UNC13C: variants seen among roughly 807,000 people sequenced by gnomAD.
The protein encoded by UNC13C is unc-13 homolog C.
UNC13C carries 174 observed loss-of-function variants against 245.4 expected under a neutral mutation model. The observed-to-expected ratio is 0.71, with a 90% CI of 0.63 to 0.80. The LOEUF is 0.80. UNC13C is among the 30% of genes least tolerant of loss of function. UNC13C has a pLI of 0.00. For synonymous variants in UNC13C, 992 were observed against 895.1 expected, an observed-to-expected ratio of 1.11 and a Z score of -1.93; for missense variants, 2,829 against 2,602.9, an observed-to-expected ratio of 1.09 and a Z score of -1.89.
intron 4 of UNC13C, among the ~76,000 whole-genome samples, chr15:54,185,754 G>C (rs2033958427): frequency 6.6e-6 from 1 of 150,406 alleles, no homozygotes; most frequent in East Asian, 1.9e-4. Context: ...GGCAATGCGG[G>C]ATCTTTTTGG....
At chr15:54,600,782 C>T (rs1185930359) in intron 30 of UNC13C, among the ~76,000 whole-genome samples, 1 of 152,040 alleles carries the variant, frequency 6.6e-6, no homozygotes, top group Non-Finnish European at 1.5e-5. Context: ...ATTCATAGGA[C>T]TAATGTTAAC....
At chr15:54,506,768 AAG>A (rs1894493772) in intron 22 of UNC13C, among the ~76,000 whole-genome samples, 1 of 152,140 alleles carries the variant, frequency 6.6e-6, no homozygotes, top group Admixed American at 6.6e-5. Flanking sequence ...TTTCTATCAA[AAG>A]AGATGACATT....
chr15:53,948,848 A>T, the UNC13C span, among the ~76,000 whole-genome samples: 1 of 152,186 alleles, frequency 6.6e-6, no homozygotes, highest in Admixed American at 6.5e-5. Flanking sequence ...CCTGAGACTG[A>T]ATCAAAAGGC....
chr15:54,187,781 A>G lies in UNC13C; in HGVS notation c.3071+44097A>G, dbSNP rs149756339. On this transcript the variant is annotated intron_variant, in intron 4 of 32. Transcript: ENST00000260323. The stretch of plus-strand genomic sequence containing the variant: ...ATCTGTTCACTAAATAATAAGGCCT[A>G]CCAGGATTCACACTGTATGTTTTGT... Among the ~76,000 whole-genome samples, 9 of 152,220 alleles carry G rather than the reference A, an allele frequency of 5.9e-5. No homozygotes were observed. The East Asian group carries it at 1.7e-3, about 29-fold the overall frequency.
chr15:54,438,432 T>A (rs1178422668), intron 19 of UNC13C, among the ~76,000 whole-genome samples: 1 of 151,986 alleles, frequency 6.6e-6, no homozygotes, highest in African/African-American at 2.4e-5. Flanking sequence ...TGTTCACCAA[T>A]TGTAAGCAAG....
intron 13 of UNC13C, among the ~76,000 whole-genome samples, chr15:54,300,666 C>T (rs1945755996): frequency 6.6e-6 from 1 of 152,158 alleles, no homozygotes; most frequent in African/African-American, 2.4e-5. Flanking sequence ...CATCCCAGAC[C>T]TACTGAATCA....
At chr15:54,196,460 A>G (rs760084663) in intron 4 of UNC13C, among the ~76,000 whole-genome samples, 11 of 152,176 alleles carry the variant, frequency 7.2e-5, no homozygotes, top group Non-Finnish European at 1.3e-4. Flanking sequence ...AGAAAAAGAG[A>G]AAACATTCTC....
At chr15:54,407,725 G>A (rs1238167872) in intron 18 of UNC13C, among the ~76,000 whole-genome samples, 2 of 152,184 alleles carry the variant, frequency 1.3e-5, no homozygotes, top group East Asian at 1.9e-4. Context: ...TATAGAAGCA[G>A]ATCTTAGCAA....
chr15:54,434,185 C>G (rs952966545), intron 19 of UNC13C, among the ~76,000 whole-genome samples: 1 of 152,058 alleles, frequency 6.6e-6, no homozygotes, highest in African/African-American at 2.4e-5. Context: ...TCAATGCTAT[C>G]CCCATCAGCT....
chr15:53,865,589 G>A, the UNC13C span, among the ~76,000 whole-genome samples: 2 of 152,062 alleles, frequency 1.3e-5, no homozygotes, highest in South Asian at 2.1e-4. Flanking sequence ...TAGGTGTTGG[G>A]TGTTAGGATC....
At chr15:54,080,390 G>C (rs1171253867) in intron 2 of UNC13C, among the ~76,000 whole-genome samples, 1 of 151,974 alleles carries the variant, frequency 6.6e-6, no homozygotes, top group Admixed American at 6.6e-5. Context: ...ATTTCCGAAA[G>C]ATTGGTATCA....
rs1464784703 is a variant in UNC13C, at chr15:54,161,420, A to G, written c.3071+17736A>G. On this transcript the variant is annotated intron_variant, in intron 4 of 32. Transcript: ENST00000260323. ...GACAGTGGTACAAGTCCGCTATTTG[A>G]CAGTGGTAGGCCAATGATTTTGTCT... 5.3e-5 allele frequency among the ~76,000 whole-genome samples: 8 copies of G among 152,178 alleles called. No homozygotes were observed. The South Asian group carries it at 1.7e-3, about 32-fold the overall frequency.
intron 17 of UNC13C, among the ~76,000 whole-genome samples, chr15:54,371,357 G>A (rs2039483400): frequency 6.6e-6 from 1 of 152,104 alleles, no homozygotes; most frequent in African/African-American, 2.4e-5. Context: ...TGATGGAAAT[G>A]TATAGAATAT....
At chr15:54,063,424 G>T (rs1023620191) in intron 2 of UNC13C, among the ~76,000 whole-genome samples, 1 of 151,934 alleles carries the variant, frequency 6.6e-6, no homozygotes, top group Admixed American at 6.6e-5. Context: ...AGTACTGAAG[G>T]TATATGCCAA....
chr15:54,128,815 G>C (rs1191370442), intron 2 of UNC13C, among the ~76,000 whole-genome samples: 4 of 152,156 alleles, frequency 2.6e-5, no homozygotes, highest in Admixed American at 2.6e-4. Context: ...CCCTAGTTGG[G>C]AGGGAAATTA....
chr15:54,478,505 G>A (rs1477770267), intron 19 of UNC13C, among the ~76,000 whole-genome samples: 3 of 150,722 alleles, frequency 2.0e-5, no homozygotes, highest in Non-Finnish European at 4.4e-5. Flanking sequence ...ATTCTGGTAT[G>A]TTGTGTCTTT....
At chr15:54,122,269 C>A (rs914142420) in intron 2 of UNC13C, among the ~76,000 whole-genome samples, 2 of 151,894 alleles carry the variant, frequency 1.3e-5, no homozygotes, top group Non-Finnish European at 2.9e-5. Context: ...AAATACATTT[C>A]ATCAGATCAA....
intron 25 of UNC13C, among the ~76,000 whole-genome samples, chr15:54,530,760 T>C (rs1895699322): frequency 6.6e-6 from 1 of 152,036 alleles, no homozygotes; most frequent in Non-Finnish European, 1.5e-5. Flanking sequence ...CTCAGAGAAT[T>C]CTAAGAACAC....
At chr15:54,214,763 G>C (rs954048323) in intron 4 of UNC13C, among the ~76,000 whole-genome samples, 1 of 151,902 alleles carries the variant, frequency 6.6e-6, no homozygotes, top group Non-Finnish European at 1.5e-5. Flanking sequence ...TAAAAACTAT[G>C]TGTAAATGGC....
Sources: gnomAD v4.1 joint callset for allele counts (sites outside exome capture counted in the v4.1 genomes callset) on GRCh38, gnomAD v4.1.1 for gene constraint, MANE v1.5 for transcripts, NCBI Gene and HGNC (gene_info 2026-07-23, HGNC 2026-07-21) for gene names.